NCAM1: variants seen among roughly 807,000 people sequenced by gnomAD.
NCAM1 encodes antigen recognized by monoclonal antibody 5.1H11.
NCAM1 carries 14 observed loss-of-function variants against 109.8 expected under a neutral mutation model. The observed-to-expected ratio is 0.13, with a 90% CI of 0.08 to 0.20. The LOEUF (loss-of-function observed/expected upper bound fraction) is 0.20, where lower values mean the gene tolerates loss of function less well. Ranked by LOEUF, NCAM1 falls within the 10% of genes least tolerant of loss-of-function variation. The pLI is 1.00. For synonymous variants in NCAM1, 418 were observed against 442.9 expected (o/e 0.94, Z 0.70); for missense variants, 774 against 1,109.9 (o/e 0.70, Z 4.30).
chr11:113,068,537 C>T (rs1490748148), intron 1 of NCAM1, among the ~76,000 whole-genome samples: 4 of 152,130 alleles, frequency 2.6e-5, no homozygotes, highest in African/African-American at 9.7e-5. Context: ...GTTTTGGAAA[C>T]GCTGATCTGT....
At chr11:113,182,396 C>A (rs1374918218) in intron 1 of NCAM1, among the ~76,000 whole-genome samples, 1 of 152,172 alleles carries the variant, frequency 6.6e-6, no homozygotes, top group East Asian at 1.9e-4. Flanking sequence ...GTCATCCTGG[C>A]CCTGATGCTT....
chr11:113,133,118 A>G (rs1555098698), intron 1 of NCAM1: 1 of 152,222 alleles, frequency 6.6e-6, no homozygotes, highest in South Asian at 2.1e-4. Context: ...CACAGCTAAG[A>G]AAAGACAAGC....
Position 113,278,242 on chromosome 11 carries a change from T to C in NCAM1, c.*2855T>C, listed in dbSNP as rs1946445325. The C allele has an allele frequency of 1.3e-5, 2 of 152,188 alleles. No homozygotes were observed. Among genetic ancestry groups the C allele is most frequent in the African/African-American group, 2.4e-5 (1 of 41,450 alleles). 9.4% of individuals were successfully genotyped at this position (152,188 alleles called of 1,614,324 possible). A position where few individuals can be genotyped will look rare whatever the true frequency, so the allele number is the denominator to read the frequency against. The stretch of plus-strand genomic sequence containing the variant: ...CTGTCTGGATGGCGGTTTTCAGACC[T>C]CCATTAACATCCCTACCCAGCATTC... On this transcript the variant is annotated 3_prime_UTR_variant, in exon 20 of 20. Transcript: ENST00000316851.
At chr11:113,255,487 T>G (rs1449791555) in intron 15 of NCAM1, among the ~76,000 whole-genome samples, 11 of 151,670 alleles carry the variant, frequency 7.3e-5, no homozygotes, top group Admixed American at 7.2e-4. Context: ...CTCAAACACT[T>G]CTATTTTCTC....
intron 1 of NCAM1, among the ~76,000 whole-genome samples, chr11:113,193,923 T>C (rs373526409): frequency 6.6e-6 from 1 of 152,154 alleles, no homozygotes; most frequent in East Asian, 1.9e-4. Context: ...GCAACCATGG[T>C]TTGAAACCAC....
intron 17 of NCAM1, chr11:113,265,044 G>A (rs1312953952): frequency 2.0e-6 from 2 of 985,266 alleles, no homozygotes; most frequent in Non-Finnish European, 2.4e-6. Context: ...ACACACCATG[G>A]GGCCCCTTTG....
chr11:113,217,182 C>A (rs990395493), intron 8 of NCAM1, among the ~76,000 whole-genome samples: 2 of 152,214 alleles, frequency 1.3e-5, no homozygotes, highest in Non-Finnish European at 2.9e-5. Context: ...TCTCACCTGG[C>A]ACCCTGGCCT....
intron 1 of NCAM1, among the ~76,000 whole-genome samples, chr11:113,005,021 T>A (rs1951858319): frequency 6.6e-6 from 1 of 152,160 alleles, no homozygotes; most frequent in African/African-American, 2.4e-5. Context: ...TTTTTTAGTT[T>A]CCAAGAGCTC....
At chr11:113,200,839 A>AC (rs1290050933) in intron 1 of NCAM1, among the ~76,000 whole-genome samples, 2 of 152,114 alleles carry the variant, frequency 1.3e-5, no homozygotes, top group African/African-American at 4.8e-5. Context: ...GCAGGGGAAG[A>AC]CTTTTTATTG....
chr11:113,134,071 G>A (rs1941510127), intron 1 of NCAM1: 1 of 151,506 alleles, frequency 6.6e-6, no homozygotes, highest in Non-Finnish European at 1.5e-5. Context: ...ACAATGTTGT[G>A]AAATAGATCT....
chr11:113,033,781 A>G (rs1952786776), intron 1 of NCAM1, among the ~76,000 whole-genome samples: 1 of 152,208 alleles, frequency 6.6e-6, no homozygotes, highest in Non-Finnish European at 1.5e-5. Flanking sequence ...CATTGTAACA[A>G]GCACTTCTGG....
Position 113,277,249 on chromosome 11 carries a change from C to T in NCAM1, c.*1862C>T, listed in dbSNP as rs963024120. ...CACTCTCCCCAACGTTCTGACACTT[C>T]TGCAGTCTGATCAGTGGCGATGCTA... On this transcript the variant is annotated 3_prime_UTR_variant, in exon 20 of 20. Transcript: ENST00000316851. The T allele has an allele frequency of 2.5e-6, 1 of 398,490 alleles. No homozygotes were observed. Among genetic ancestry groups the T allele is most frequent in the Non-Finnish European group, 4.4e-6 (1 of 225,880 alleles). 24.7% of individuals were successfully genotyped at this position (398,490 alleles called of 1,614,324 possible). A position where few individuals can be genotyped will look rare whatever the true frequency, so the allele number is the denominator to read the frequency against.
At chr11:113,049,931 T>C (rs1953406729) in intron 1 of NCAM1, among the ~76,000 whole-genome samples, 1 of 152,144 alleles carries the variant, frequency 6.6e-6, no homozygotes, top group Admixed American at 6.5e-5. Flanking sequence ...AAGTCCACCA[T>C]TCTAATGGGA....
intron 1 of NCAM1, among the ~76,000 whole-genome samples, chr11:113,077,666 T>C (rs984827798): frequency 6.7e-6 from 1 of 148,652 alleles, no homozygotes; most frequent in African/African-American, 2.5e-5. Flanking sequence ...GAGCTTGGCA[T>C]GTAGTGGGTG....
chr11:113,163,119 T>C (rs1261777020), intron 1 of NCAM1, among the ~76,000 whole-genome samples: 1 of 152,210 alleles, frequency 6.6e-6, no homozygotes, highest in Non-Finnish European at 1.5e-5. Context: ...CAGCCTCATC[T>C]GGCAACCTCA....
intron 1 of NCAM1, among the ~76,000 whole-genome samples, chr11:113,150,219 G>T (rs9666860): frequency 0.022 from 3,313 of 151,972 alleles, 116 homozygotes; most frequent in African/African-American, 0.076. Context: ...TCTGTGAGTT[G>T]TAAAGAATAT....
intron 1 of NCAM1, among the ~76,000 whole-genome samples, chr11:113,201,543 A>G (rs1357233166): frequency 6.6e-6 from 1 of 152,234 alleles, no homozygotes. Context: ...TTTCATGAGG[A>G]ATGGTTGTCT....
chr11:113,052,046 T>G (rs1355624295), intron 1 of NCAM1, among the ~76,000 whole-genome samples: 3 of 152,196 alleles, frequency 2.0e-5, no homozygotes, highest in Non-Finnish European at 4.4e-5. Flanking sequence ...GGTGCAACTT[T>G]AGGCAAGAGA....
intron 14 of NCAM1, among the ~76,000 whole-genome samples, chr11:113,244,401 A>G (rs1199525908): frequency 6.6e-6 from 1 of 152,208 alleles, no homozygotes; most frequent in Admixed American, 6.5e-5. Context: ...GAGTCATTTT[A>G]TTTTGAACCA....
Sources: gnomAD v4.1 joint callset for allele counts (sites outside exome capture counted in the v4.1 genomes callset) on GRCh38, gnomAD v4.1.1 for gene constraint, MANE v1.5 for transcripts, NCBI Gene and HGNC (gene_info 2026-07-23, HGNC 2026-07-21) for gene names.